TF: variants seen among roughly 807,000 people sequenced by gnomAD.
The protein encoded by TF is transferrin, also known as serotransferrin.
TF carries 55 observed loss-of-function variants against 82.4 expected under a neutral mutation model. That is an observed-to-expected ratio of 0.67 (90% CI 0.54 to 0.84). The LOEUF (loss-of-function observed/expected upper bound fraction) is 0.84, where lower values mean the gene tolerates loss of function less well. Ranked by LOEUF, TF falls within the 40% of genes least tolerant of loss-of-function variation. The pLI, the probability that TF is intolerant of heterozygous loss-of-function variation, is 0.00. For missense variants in TF, 737 were observed against 868.4 expected (o/e 0.85, Z 1.90); for synonymous variants, 332 against 332.6 (o/e 1.00, Z 0.02).
chr3:133,720,359 G>T, the TF span, among the ~76,000 whole-genome samples: 1 of 152,032 alleles, frequency 6.6e-6, no homozygotes, highest in Non-Finnish European at 1.5e-5. Context: ...ATAATCATAT[G>T]GTTTTTGTCT....
chr3:133,755,610 C>G, intron 5 of TF, 115 bp downstream of exon 5: 1 of 1,444,000 alleles, frequency 6.9e-7, no homozygotes, highest in African/African-American at 1.4e-5. Context: ...TCGAGGTGGC[C>G]TAATCCCCTC....
the TF span, among the ~76,000 whole-genome samples, chr3:133,735,444 A>G: frequency 5.9e-5 from 9 of 152,140 alleles, no homozygotes; most frequent in African/African-American, 2.2e-4. Flanking sequence ...AAAACTGGAC[A>G]GAGAATGAGT....
the TF span, among the ~76,000 whole-genome samples, chr3:133,670,054 A>G: frequency 6.6e-6 from 1 of 152,208 alleles, no homozygotes; most frequent in Non-Finnish European, 1.5e-5. Flanking sequence ...GATGCCTTGG[A>G]AAGGGGAAAG....
the TF span, among the ~76,000 whole-genome samples, chr3:133,667,355 T>TC: frequency 4.8e-5 from 1 of 20,886 alleles, no homozygotes; most frequent in African/African-American, 1.6e-4. Flanking sequence ...AGACTCTGAC[T>TC]CAAAAAAAAA....
the TF span, among the ~76,000 whole-genome samples, chr3:133,731,339 C>A: frequency 1.3e-5 from 2 of 152,204 alleles, no homozygotes; most frequent in Non-Finnish European, 2.9e-5. Flanking sequence ...TTGTGAATAA[C>A]ACTTTTCAAG....
the TF span, chr3:133,688,460 G>C: frequency 6.6e-6 from 1 of 152,118 alleles, no homozygotes; most frequent in Admixed American, 6.5e-5. Context: ...CTCCCCACAG[G>C]AACCAGACCA....
At chr3:133,746,024 G>A, upstream of TF, 2 of 298,244 alleles carry the variant, frequency 6.7e-6, no homozygotes, top group South Asian at 3.9e-5. Flanking sequence ...CTCCAGCCTC[G>A]GAGTCTTCCT....
chr3:133,733,874 A>AAAC, the TF span, among the ~76,000 whole-genome samples: 515 of 151,246 alleles, frequency 3.4e-3, 3 homozygotes, highest in African/African-American at 0.011. Context: ...AAACAAAAAA[A>AAAC]AAAAAAACAT....
At chr3:133,758,955 G>T (rs181589522) in intron 8 of TF, among the ~76,000 whole-genome samples, 42 of 152,312 alleles carry the variant, frequency 2.8e-4, no homozygotes, top group African/African-American at 9.9e-4. Flanking sequence ...GGAGAGGAAA[G>T]TTGGCTTCTC....
the TF span, among the ~76,000 whole-genome samples, chr3:133,707,165 G>A: frequency 1.3e-5 from 2 of 150,346 alleles, no homozygotes; most frequent in Admixed American, 6.7e-5. Context: ...CATCTGAGTA[G>A]AGAGGGGGAG....
chr3:133,708,368 T>C, the TF span, among the ~76,000 whole-genome samples: 1,231 of 152,256 alleles, frequency 8.1e-3, 21 homozygotes, highest in African/African-American at 0.028. Context: ...CAAGATTCTA[T>C]TGAAAAAGTA....
At chr3:133,722,620 T>C in the TF span, among the ~76,000 whole-genome samples, 2 of 152,166 alleles carry the variant, frequency 1.3e-5, no homozygotes, top group Non-Finnish European at 2.9e-5. Flanking sequence ...GTAAGTATAA[T>C]AGACAATTTT....
the TF span, among the ~76,000 whole-genome samples, chr3:133,722,323 G>A: frequency 0.39 from 59,217 of 151,440 alleles, 12,239 homozygotes; most frequent in African/African-American, 0.5. Flanking sequence ...GGTGAGGTGA[G>A]TCTCTTGTAG....
At chr3:133,749,322 A>G (rs1933598843) in intron 2 of TF, among the ~76,000 whole-genome samples, 1 of 152,210 alleles carries the variant, frequency 6.6e-6, no homozygotes, top group African/African-American at 2.4e-5. Context: ...TAGGTCTACA[A>G]AAATGCTCTT....
the TF span, among the ~76,000 whole-genome samples, chr3:133,682,525 G>A: frequency 1.3e-5 from 2 of 152,152 alleles, no homozygotes; most frequent in Non-Finnish European, 2.9e-5. Flanking sequence ...TGACCTGATG[G>A]AGCTGAAAAC....
intron 9 of TF, chr3:133,760,190 T>C (rs571675561): frequency 6.6e-6 from 1 of 152,268 alleles, no homozygotes; most frequent in South Asian, 2.1e-4. Context: ...TTGGATCCTT[T>C]ATAATAAATC....
chr3:133,704,025 G>A, the TF span, among the ~76,000 whole-genome samples: 1 of 152,172 alleles, frequency 6.6e-6, no homozygotes, highest in African/African-American at 2.4e-5. Flanking sequence ...GCATGACCTG[G>A]GTTGGAACTT....
chr3:133,742,554 C>T (rs150399350), upstream of TF, among the ~76,000 whole-genome samples: 480 of 152,160 alleles, frequency 3.2e-3, no homozygotes, highest in Non-Finnish European at 5.7e-3. Flanking sequence ...CTGCCCAGTC[C>T]CCAACCCCCT....
intron 5 of TF, 108 bp from the exon 6 acceptor site, chr3:133,756,174 C>T: frequency 9.1e-7 from 1 of 1,095,180 alleles, no homozygotes; most frequent in Non-Finnish European, 1.4e-6. Context: ...TACGGGGCTG[C>T]ACCAGGCTCT....
Sources: allele counts gnomAD v4.1 joint callset (sites outside exome capture counted in the v4.1 genomes callset), GRCh38; gene constraint gnomAD v4.1.1; transcripts MANE v1.5; gene names NCBI Gene and HGNC (gene_info 2026-07-23, HGNC 2026-07-21).